RADX: variants seen among roughly 807,000 people sequenced by gnomAD.
RADX encodes RPA-related protein RADX.
In RADX, 36 loss-of-function variants were observed where a neutral mutation model predicts 61.6. The ratio of observed to expected loss-of-function variants is 0.58; its 90% CI spans 0.45 to 0.77. The LOEUF is 0.77. Among genes scored for constraint, RADX ranks in the 30% least tolerant of loss-of-function variants. The pLI is 0.00. For synonymous variants in RADX, 272 were observed against 237.9 expected (o/e 1.14, Z -1.32); for missense variants, 497 against 651.1 (o/e 0.76, Z 2.58).
chrX:106,646,554 C>T (rs773955958), intron 10 of RADX, among the ~76,000 whole-genome samples: 6 of 111,230 alleles, frequency 5.4e-5, no homozygotes, highest in Non-Finnish European at 1.1e-4. Flanking sequence ...AGTTTATTCA[C>T]AGTACTGTAA....
At chrX:106,647,303 T>A (rs933786593) in intron 10 of RADX, among the ~76,000 whole-genome samples, 1 of 111,310 alleles carries the variant, frequency 9.0e-6, no homozygotes, top group African/African-American at 3.3e-5. Context: ...TCTATCCATG[T>A]CATTGCAAAT....
Position 106,622,787 on chromosome X carries a change from A to G in RADX, c.780A>G (p.Pro260=), listed in dbSNP as rs923389117. The G allele has an allele frequency of 2.6e-6, 3 of 1,141,699 alleles. No individual in the cohort carries two copies. The highest frequency in any genetic ancestry group is 2.0e-5 in the South Asian group (1 of 50,564). 94.1% of individuals were successfully genotyped at this position (1,141,699 alleles called of 1,213,427 possible). ...AACCTGATAAAAAGATGATTGAACC[A>G]TATCAGGTACAAGTAATAAGATATC... ...YGKPDKKMIE[P]YQTFLEVADS... The change falls in exon 2 of 14, where the codon CCA becomes CCG. Residue 260 remains proline, a synonymous_variant. Coordinates refer to ENST00000372548, the MANE Select transcript of RADX (RefSeq NM_018015.6).
chrX:106,657,975 A>T (rs1049419535), intron 11 of RADX, among the ~76,000 whole-genome samples: 1 of 111,893 alleles, frequency 8.9e-6, no homozygotes, highest in African/African-American at 3.2e-5. Context: ...CAGACCTTCA[A>T]TTTGCAAAAA....
chrX:106,636,466 G>A, intron 6 of RADX, 77 bp from the exon 7 acceptor site: 1 of 550,871 alleles, frequency 1.8e-6, no homozygotes, highest in Non-Finnish European at 3.0e-6. Flanking sequence ...AGTTTGAGAA[G>A]CATTGTGTTA....
At chrX:106,663,596 G>A (rs1246307240) in intron 12 of RADX, among the ~76,000 whole-genome samples, 2 of 111,590 alleles carry the variant, frequency 1.8e-5, no homozygotes, top group African/African-American at 3.3e-5. Context: ...TAATTTAATT[G>A]TACATTTTAA....
At chrX:106,646,638 A>G (rs894464471) in intron 10 of RADX, among the ~76,000 whole-genome samples, 1 of 111,075 alleles carries the variant, frequency 9.0e-6, no homozygotes, top group African/African-American at 3.3e-5. Context: ...TGCTGGAGCT[A>G]AATCCTGAAG....
At chrX:106,645,379 G>T (rs893954906) in intron 10 of RADX, among the ~76,000 whole-genome samples, 5 of 110,409 alleles carry the variant, frequency 4.5e-5, no homozygotes, top group Non-Finnish European at 9.5e-5. Flanking sequence ...TTTTTTGTTG[G>T]AGGCACTTAT....
In RADX at chrX:106,662,250, A is replaced by G. The variant is rs752199221; in HGVS notation, c.2214A>G (p.Lys738=). The G allele has an allele frequency of 2.5e-6, 3 of 1,210,720 alleles. No individual in the cohort carries two copies. Among genetic ancestry groups the G allele is most frequent in the Non-Finnish European group, 2.2e-6 (2 of 894,923 alleles). The change falls in exon 12 of 14, where the codon AAA becomes AAG. Residue 738 remains lysine, a synonymous_variant. Coordinates refer to ENST00000372548, the MANE Select transcript of RADX (RefSeq NM_018015.6). The stretch of plus-strand genomic sequence containing the variant: ...TACCACCAGAAGGAAGGCCCCCAAA[A>G]CTTGATGATTTTAAGAGCGCCCGAA... ...KYVPPEGRPP[K]LDDFKSARSL...
Position 106,633,272 on chromosome X carries a change from TTTATA to T in RADX, c.1303+25_1303+29del, listed in dbSNP as rs1927280929. On this transcript the variant is annotated intron_variant, in intron 6 of 13. Coordinates refer to ENST00000372548, the MANE Select transcript of RADX (RefSeq NM_018015.6). ...ACCCAAGTAAGCGATTTTTAATATT[TTTATA>T]TTATGTTTGGAAGTAGGAGAATTAA... 1 of 1,169,186 alleles carries T rather than the reference TTTATA, an allele frequency of 8.6e-7. No homozygotes were observed. The highest frequency in any genetic ancestry group is 1.2e-6 in the Non-Finnish European group (1 of 862,295).
intron 3 of RADX, among the ~76,000 whole-genome samples, chrX:106,627,858 C>T (rs1383535652): frequency 9.0e-6 from 1 of 111,366 alleles, no homozygotes; most frequent in African/African-American, 3.3e-5. Context: ...TTTTTTGAGA[C>T]AGAGTCTCAC....
intron 2 of RADX, among the ~76,000 whole-genome samples, chrX:106,623,052 C>A (rs1003074451): frequency 9.0e-6 from 1 of 110,668 alleles, no homozygotes; most frequent in Non-Finnish European, 1.9e-5. Context: ...TTCCTTCAAC[C>A]TTTTCTTCTC....
intron 3 of RADX, among the ~76,000 whole-genome samples, chrX:106,631,881 T>C (rs1927243361): frequency 9.1e-6 from 1 of 110,168 alleles, no homozygotes; most frequent in Admixed American, 9.7e-5. Context: ...AGAAAGTTAG[T>C]TGACAATACC....
intron 13 of RADX, among the ~76,000 whole-genome samples, chrX:106,672,369 T>C (rs1158682714): frequency 8.9e-6 from 1 of 111,766 alleles, no homozygotes; most frequent in East Asian, 2.8e-4. Context: ...TGTTTTTCAT[T>C]CCTTTTTGTG....
intron 13 of RADX, among the ~76,000 whole-genome samples, chrX:106,673,438 C>A (rs770794790): frequency 9.1e-6 from 1 of 110,299 alleles, no homozygotes; most frequent in Admixed American, 9.7e-5. Flanking sequence ...AGCTAAGGCC[C>A]GAAACGATGT....
In RADX at chrX:106,677,851, T is replaced by C. The variant is rs191823070; in HGVS notation, c.2438-277T>C. 7.6e-4 allele frequency among the ~76,000 whole-genome samples: 84 copies of C among 110,890 alleles called. 1 individual carries two copies. Among genetic ancestry groups the C allele is most frequent in the African/African-American group, 2.7e-3 (82 of 30,551 alleles). Reference sequence around the variant, plus strand: ...TTGAAGATATCTGGATTTATTTTGCTCCACCAAGAACAAAACAAAAACCCG... The same window carrying C: ...TTGAAGATATCTGGATTTATTTTGCCCCACCAAGAACAAAACAAAAACCCG... On this transcript the variant is annotated intron_variant, in intron 13 of 13. Transcript: ENST00000372548.
In RADX at chrX:106,612,051, G is replaced by C. The variant is rs1374957953; in HGVS notation, c.-30G>C. 3 of 1,179,884 alleles carry C rather than the reference G, an allele frequency of 2.5e-6. No individual in the cohort carries two copies. Among genetic ancestry groups the C allele is most frequent in the Non-Finnish European group, 2.3e-6 (2 of 879,888 alleles). The stretch of plus-strand genomic sequence containing the variant: ...TTTGGACGGGGCAAACTAGCTTTTG[G>C]GAGTGAAGCGGGTACGCAGTTATCC... On this transcript the variant is annotated 5_prime_UTR_variant, in exon 1 of 14. Coordinates refer to ENST00000372548, the MANE Select transcript of RADX (RefSeq NM_018015.6).
chrX:106,625,501 T>C (rs1277975410), intron 3 of RADX, among the ~76,000 whole-genome samples: 1 of 111,778 alleles, frequency 8.9e-6, no homozygotes, highest in Non-Finnish European at 1.9e-5. Flanking sequence ...GAGACATTTA[T>C]TGTTGATTGA....
chrX:106,640,510 G>C (rs1052085483), intron 9 of RADX, 42 bp from the exon 10 acceptor site: 13 of 970,237 alleles, frequency 1.3e-5, no homozygotes, highest in Non-Finnish European at 1.8e-5. Context: ...ATTAATAATT[G>C]TGAATTAGCC....
At chrX:106,648,099 TTTAAA>T (rs1224838643) in intron 10 of RADX, among the ~76,000 whole-genome samples, 1 of 111,655 alleles carries the variant, frequency 9.0e-6, no homozygotes, top group Non-Finnish European at 1.9e-5. Flanking sequence ...TGGAATAATC[TTTAAA>T]ATTTAAATCT....
Sources: gnomAD v4.1 joint callset for allele counts (sites outside exome capture counted in the v4.1 genomes callset) on GRCh38, gnomAD v4.1.1 for gene constraint, MANE v1.5 for transcripts, NCBI Gene and HGNC (gene_info 2026-07-23, HGNC 2026-07-21) for gene names.